Variants in KAZN observed in about 807,000 individuals in gnomAD.
The protein encoded by KAZN is kazrin, periplakin interacting protein, also known as kazrin.
Under a neutral mutation model 87.4 loss-of-function variants are expected in KAZN, and 40 were observed. That is an observed-to-expected ratio of 0.46 (90% confidence interval 0.36 to 0.60). The LOEUF is 0.60. Among genes scored for constraint, KAZN ranks in the 20% least tolerant of loss-of-function variants. The pLI is 0.00. For missense variants in KAZN, 898 were observed against 1,073.9 expected, an observed-to-expected ratio of 0.84 and a Z score of 2.29; for synonymous variants, 466 against 458.3, an observed-to-expected ratio of 1.02 and a Z score of -0.22.
intron 1 of KAZN, among the ~76,000 whole-genome samples, chr1:14,813,884 C>T (rs145355452): frequency 1.2e-3 from 176 of 152,288 alleles, no homozygotes; most frequent in Non-Finnish European, 1.4e-3. Context: ...GGGTTGCTGT[C>T]CAGTGCACAG....
chr1:14,935,143 C>G (rs1208115792), intron 1 of KAZN, among the ~76,000 whole-genome samples: 3 of 152,250 alleles, frequency 2.0e-5, no homozygotes, highest in Non-Finnish European at 4.4e-5. Context: ...TCTGCAGGGA[C>G]AGAGGCTACC....
At chr1:14,651,441 A>G (rs1638368458) in intron 1 of KAZN, among the ~76,000 whole-genome samples, 1 of 152,178 alleles carries the variant, frequency 6.6e-6, no homozygotes, top group Non-Finnish European at 1.5e-5. Context: ...GATCAGAGGA[A>G]TAGTGGATAA....
At chr1:14,587,623 G>C (rs1478749060) in intron 2 of KAZN, among the ~76,000 whole-genome samples, 1 of 151,804 alleles carries the variant, frequency 6.6e-6, no homozygotes, top group African/African-American at 2.4e-5. Flanking sequence ...GAGGAAGAGA[G>C]AAAGGGAGGA....
chr1:14,026,543 T>TA (rs1328958761), intron 1 of KAZN, among the ~76,000 whole-genome samples: 9 of 152,208 alleles, frequency 5.9e-5, no homozygotes, highest in Non-Finnish European at 1.5e-5. Context: ...AGTCTAGATA[T>TA]AAAGAAGCTT....
chr1:14,336,433 G>T (rs1657277105), intron 2 of KAZN, among the ~76,000 whole-genome samples: 2 of 152,158 alleles, frequency 1.3e-5, no homozygotes, highest in African/African-American at 4.8e-5. Context: ...GAGCATCTCT[G>T]TATACAAATT....
intron 2 of KAZN, among the ~76,000 whole-genome samples, chr1:14,197,124 G>A (rs1339568239): frequency 6.6e-6 from 1 of 152,050 alleles, no homozygotes. Context: ...GGGGAGGGGG[G>A]TAGAGATGAC....
intron 4 of KAZN, among the ~76,000 whole-genome samples, chr1:15,051,976 C>A (rs773162993): frequency 6.6e-6 from 1 of 152,132 alleles, no homozygotes; most frequent in African/African-American, 2.4e-5. Flanking sequence ...AGGAGCTTGA[C>A]GTTCCAAGTT....
chr1:14,894,378 T>A (rs1182588122), intron 1 of KAZN, among the ~76,000 whole-genome samples: 2 of 152,166 alleles, frequency 1.3e-5, no homozygotes, highest in Non-Finnish European at 2.9e-5. Flanking sequence ...CCCAGAAAAA[T>A]TTCTGAATCA....
intron 2 of KAZN, among the ~76,000 whole-genome samples, chr1:14,308,108 A>T (rs1655049834): frequency 6.6e-6 from 1 of 152,224 alleles, no homozygotes; most frequent in African/African-American, 2.4e-5. Flanking sequence ...AGACAAAGGA[A>T]TTGCTCCAGA....
At chr1:14,404,426 C>T (rs909653402) in intron 2 of KAZN, among the ~76,000 whole-genome samples, 1 of 152,114 alleles carries the variant, frequency 6.6e-6, no homozygotes, top group Non-Finnish European at 1.5e-5. Flanking sequence ...GACTCTGTTG[C>T]CCTTACTATC....
chr1:14,405,636 G>GTGTC (rs1663786511), intron 2 of KAZN, among the ~76,000 whole-genome samples: 1 of 151,446 alleles, frequency 6.6e-6, no homozygotes, highest in East Asian at 1.9e-4. Flanking sequence ...GTGTGTGTGT[G>GTGTC]TGTGTGTGTG....
chr1:14,674,022 A>G (rs139009180), intron 1 of KAZN, among the ~76,000 whole-genome samples: 41 of 152,346 alleles, frequency 2.7e-4, no homozygotes, highest in African/African-American at 9.9e-4. Flanking sequence ...TTGAAATTCA[A>G]GAACCCGTAG....
At chr1:14,907,135 C>A (rs1656679336) in intron 1 of KAZN, among the ~76,000 whole-genome samples, 1 of 151,956 alleles carries the variant, frequency 6.6e-6, no homozygotes, top group South Asian at 2.1e-4. Flanking sequence ...GTGGCTCATA[C>A]CTGTAATCCC....
At chr1:15,040,212 A>G (rs1672748975) in intron 3 of KAZN, among the ~76,000 whole-genome samples, 1 of 152,208 alleles carries the variant, frequency 6.6e-6, no homozygotes, top group Non-Finnish European at 1.5e-5. Context: ...AAGATCTTGC[A>G]GCTGGTTACC....
chr1:14,102,644 C>T (rs1176322163), intron 1 of KAZN, among the ~76,000 whole-genome samples: 1 of 152,174 alleles, frequency 6.6e-6, no homozygotes, highest in East Asian at 1.9e-4. Context: ...TATCGTCTCC[C>T]ATCCTGGTGC....
chr1:14,185,696 G>A (rs1029305317), intron 2 of KAZN, among the ~76,000 whole-genome samples: 2 of 152,130 alleles, frequency 1.3e-5, no homozygotes, highest in East Asian at 3.9e-4. Flanking sequence ...TAAGCCACAG[G>A]CATTGCCAGG....
chr1:14,047,565 C>T (rs911316856), intron 1 of KAZN, among the ~76,000 whole-genome samples: 1 of 152,128 alleles, frequency 6.6e-6, no homozygotes, highest in African/African-American at 2.4e-5. Flanking sequence ...AGTACTTCTG[C>T]TGCTTAGAAA....
chr1:13,895,080 A>G (rs1189430670), intron 1 of KAZN, among the ~76,000 whole-genome samples: 1 of 152,242 alleles, frequency 6.6e-6, no homozygotes, highest in Non-Finnish European at 1.5e-5. Context: ...TTAAGTTAAT[A>G]TGTGAAAACA....
rs769960115 is a variant in KAZN, at chr1:15,094,423, G to T, written c.1428+38G>T. The stretch of plus-strand genomic sequence containing the variant: ...GGGCCCCCTATGGGATGCCACCCAT[G>T]CCCTCTGTGAGCTTTACGTACCCAG... On this transcript the variant is annotated intron_variant, in intron 9 of 14. Coordinates refer to ENST00000376030, the MANE Select transcript of KAZN (RefSeq NM_201628.3). The surrounding 1 kb of genome is among the most constrained non-coding windows in gnomAD (Gnocchi z 4.5). The T allele has an allele frequency of 6.4e-7, 1 of 1,565,450 alleles. No individual in the cohort carries two copies.
Sources: gnomAD v4.1 joint callset for allele counts (sites outside exome capture counted in the v4.1 genomes callset) on GRCh38, gnomAD v4.1.1 for gene constraint, Gnocchi (gnomAD v3.1) non-coding constraint, MANE v1.5 for transcripts, NCBI Gene and HGNC (gene_info 2026-07-23, HGNC 2026-07-21) for gene names.